CPPED1: variants seen among roughly 807,000 people sequenced by gnomAD.
CPPED1 encodes calcineurin like phosphoesterase domain containing 1.
A neutral mutation model predicts 28.0 loss-of-function variants in CPPED1; 28 were observed. The observed-to-expected ratio is 1.00, with a 90% CI of 0.74 to 1.37. The LOEUF is 1.37. CPPED1 is among the 40% of genes most tolerant of loss of function. The pLI is 0.00. For synonymous variants in CPPED1, 198 were observed against 180.2 expected (o/e 1.10, Z -0.79); for missense variants, 504 against 416.5 (o/e 1.21, Z -1.83).
chr16:12,771,112 G>T (rs993189658), intron 2 of CPPED1, among the ~76,000 whole-genome samples: 1 of 152,052 alleles, frequency 6.6e-6, no homozygotes, highest in Non-Finnish European at 1.5e-5. Flanking sequence ...AAATCCTACA[G>T]GAGACTAGGA....
intron 3 of CPPED1, among the ~76,000 whole-genome samples, chr16:12,680,195 G>C (rs372261997): frequency 6.6e-6 from 1 of 152,128 alleles, no homozygotes; most frequent in South Asian, 2.1e-4. Context: ...GCTCAAAATT[G>C]CCTGCATTTC....
chr16:12,719,090 C>T (rs901560414), intron 2 of CPPED1, among the ~76,000 whole-genome samples: 2 of 151,876 alleles, frequency 1.3e-5, no homozygotes, highest in African/African-American at 4.8e-5. Flanking sequence ...AGGGAAAAAC[C>T]CCTTATAAAA....
intron 2 of CPPED1, among the ~76,000 whole-genome samples, chr16:12,736,762 A>G (rs1327266436): frequency 6.6e-6 from 1 of 152,228 alleles, no homozygotes; most frequent in Non-Finnish European, 1.5e-5. Context: ...CATGGAGCTT[A>G]TGTTTTAATG....
At chr16:12,795,616 A>G (rs904239203) in intron 1 of CPPED1, among the ~76,000 whole-genome samples, 4 of 152,164 alleles carry the variant, frequency 2.6e-5, no homozygotes, top group African/African-American at 9.6e-5. Flanking sequence ...TTAGGATTAC[A>G]GGCGTGAGCC....
rs2080159160 is a variant in CPPED1, at chr16:12,724,520, T to C, written c.290-19471A>G. Among the ~76,000 whole-genome samples the C allele has an allele frequency of 3.9e-5, 6 of 152,164 alleles. No individual in the cohort carries two copies. The South Asian group carries it at 1.2e-3, about 32-fold the overall frequency. On this transcript the variant is annotated intron_variant, in intron 2 of 3. Transcript: ENST00000381774. ...TGGCCTCTTCCAATCACAAACGGCTTACAGCTTCCCGCACTCATCTCATCT... is the reference window on the plus strand; with the variant it reads ...TGGCCTCTTCCAATCACAAACGGCTCACAGCTTCCCGCACTCATCTCATCT...
chr16:12,675,434 G>A (rs969959561), intron 3 of CPPED1, among the ~76,000 whole-genome samples: 5 of 152,082 alleles, frequency 3.3e-5, no homozygotes, highest in East Asian at 1.9e-4. Flanking sequence ...TTTTCTCCAC[G>A]GTATCAAGTC....
intron 2 of CPPED1, among the ~76,000 whole-genome samples, chr16:12,706,022 T>C (rs764834170): frequency 6.6e-6 from 1 of 152,210 alleles, no homozygotes; most frequent in African/African-American, 2.4e-5. Flanking sequence ...CATTTACTTT[T>C]AGTTACATTG....
intron 3 of CPPED1, among the ~76,000 whole-genome samples, chr16:12,696,166 G>C (rs1294774773): frequency 6.6e-6 from 1 of 151,850 alleles, no homozygotes; most frequent in Non-Finnish European, 1.5e-5. Context: ...ATTTTGAACA[G>C]AGTTGATCAT....
intron 2 of CPPED1, among the ~76,000 whole-genome samples, chr16:12,752,120 C>G (rs1197799897): frequency 6.6e-6 from 1 of 152,118 alleles, no homozygotes; most frequent in Non-Finnish European, 1.5e-5. Flanking sequence ...TAAACTAGTT[C>G]TGGTTTATAA....
intron 2 of CPPED1, among the ~76,000 whole-genome samples, chr16:12,750,189 A>G (rs1472304625): frequency 6.6e-6 from 1 of 152,204 alleles, no homozygotes. Context: ...TTATGTGTTT[A>G]GAGGAATCGC....
intron 2 of CPPED1, among the ~76,000 whole-genome samples, chr16:12,768,990 C>G (rs184502338): frequency 1.3e-5 from 2 of 152,106 alleles, no homozygotes; most frequent in East Asian, 3.9e-4. Context: ...CTCAGACTCC[C>G]AAGTAGCTGG....
chr16:12,694,952 A>G (rs1457967312), intron 3 of CPPED1, among the ~76,000 whole-genome samples: 1 of 151,806 alleles, frequency 6.6e-6, no homozygotes, highest in Non-Finnish European at 1.5e-5. Flanking sequence ...TAATTTTTAT[A>G]TTTTTAGTAG....
At chr16:12,802,709 G>A (rs1332207045) in intron 1 of CPPED1, among the ~76,000 whole-genome samples, 1 of 152,180 alleles carries the variant, frequency 6.6e-6, no homozygotes, top group Non-Finnish European at 1.5e-5. Flanking sequence ...GAGGTGTGAC[G>A]GTTGAGAGAG....
intron 2 of CPPED1, among the ~76,000 whole-genome samples, chr16:12,756,643 G>A (rs555097595): frequency 1.3e-5 from 2 of 152,092 alleles, no homozygotes; most frequent in Admixed American, 6.5e-5. Context: ...GGAGGCAGAG[G>A]TTGCAGTGAG....
At position 12,744,480 on chromosome 16, in the gene CPPED1, C is replaced by T. The variant is rs533511016; in HGVS notation, c.289+36705G>A. 7.9e-5 allele frequency among the ~76,000 whole-genome samples: 12 copies of T among 152,262 alleles called. No homozygotes were observed. The East Asian group carries it at 2.1e-3, about 27-fold the overall frequency. On this transcript the variant is annotated intron_variant, in intron 2 of 3. Transcript: ENST00000381774. ...GAATTAAAAAACTGGACAAGAAACA[C>T]GAAGCCACAGTACTTGAGACATGGA...
At chr16:12,710,711 A>T (rs1020193965) in intron 2 of CPPED1, among the ~76,000 whole-genome samples, 6 of 152,216 alleles carry the variant, frequency 3.9e-5, no homozygotes, top group African/African-American at 1.4e-4. Context: ...AGGATATATA[A>T]ATGGCCAATA....
At chr16:12,798,341 A>T (rs1184584714) in intron 1 of CPPED1, among the ~76,000 whole-genome samples, 1 of 152,212 alleles carries the variant, frequency 6.6e-6, no homozygotes, top group African/African-American at 2.4e-5. Flanking sequence ...GTTTGGCCTA[A>T]ATGTATGGCA....
At chr16:12,697,775 A>C (rs899863294) in intron 3 of CPPED1, among the ~76,000 whole-genome samples, 3 of 152,094 alleles carry the variant, frequency 2.0e-5, no homozygotes, top group African/African-American at 7.2e-5. Flanking sequence ...CCTTTACCGA[A>C]AAGTTCTATT....
rs1030303203 is a variant in CPPED1, at chr16:12,660,540, T to C, written c.*4346A>G. ...GTGTGTGTGTGTGTGTGTGTACTCA[T>C]TAAAAAATACATAAGAGCTCCTCCA... On this transcript the variant is annotated 3_prime_UTR_variant, in exon 4 of 4. Transcript: ENST00000381774. 6.7e-6 allele frequency: 1 copy of C among 149,874 alleles called. No homozygotes were observed. The highest frequency in any genetic ancestry group is 1.5e-5 in the Non-Finnish European group (1 of 67,426). 9.3% of individuals were successfully genotyped at this position (149,874 alleles called of 1,614,324 possible).
Sources: gnomAD v4.1 joint callset for allele counts (sites outside exome capture counted in the v4.1 genomes callset) on GRCh38, gnomAD v4.1.1 for gene constraint, MANE v1.5 for transcripts, NCBI Gene and HGNC (gene_info 2026-07-23, HGNC 2026-07-21) for gene names.